PPM1B: variants seen among roughly 807,000 people sequenced by gnomAD.
PPM1B encodes the protein protein phosphatase, Mg2+/Mn2+ dependent 1B.
In PPM1B, 22 loss-of-function variants were observed where a neutral mutation model predicts 43.0. That is an observed-to-expected ratio of 0.51 (90% CI 0.37 to 0.73). PPM1B has a LOEUF of 0.73. Among genes scored for constraint, PPM1B ranks in the 30% least tolerant of loss-of-function variants. The pLI is 0.00. For missense variants in PPM1B, 632 were observed against 584.2 expected (o/e 1.08, Z -0.84); for synonymous variants, 217 against 197.9 (o/e 1.10, Z -0.81).
chr2:44,232,165 A>G (rs1286666464), downstream of PPM1B: 5 of 1,177,934 alleles, frequency 4.2e-6, no homozygotes, highest in Non-Finnish European at 5.9e-6. Flanking sequence ...CACACACAAT[A>G]TGCAATACAC....
chr2:44,239,116 G>A (rs1670691390), downstream of PPM1B, among the ~76,000 whole-genome samples: 1 of 146,204 alleles, frequency 6.8e-6, no homozygotes, highest in Non-Finnish European at 1.5e-5. Flanking sequence ...CAAGTCTGCA[G>A]TGAGCTACAA....
intron 2 of PPM1B, among the ~76,000 whole-genome samples, chr2:44,205,414 G>C (rs1040149834): frequency 1.6e-5 from 2 of 127,516 alleles, no homozygotes; most frequent in South Asian, 5.1e-4. Flanking sequence ...CATGGTCTGA[G>C]AAATTTTTCC....
chr2:44,243,175 G>T (rs1670786281), intron 5 of PPM1B, among the ~76,000 whole-genome samples: 2 of 152,212 alleles, frequency 1.3e-5, no homozygotes, highest in Admixed American at 1.3e-4. Context: ...TATGATTGGA[G>T]CGGTACTAGA....
At chr2:44,245,839 C>G (rs948023251), downstream of PPM1B, among the ~76,000 whole-genome samples, 22 of 152,214 alleles carry the variant, frequency 1.4e-4, no homozygotes, top group Non-Finnish European at 2.9e-5. Flanking sequence ...CTGTCTCTGC[C>G]TATGGAAATG....
intron 5 of PPM1B, among the ~76,000 whole-genome samples, chr2:44,242,431 C>G (rs771751286): frequency 6.6e-6 from 1 of 152,096 alleles, no homozygotes; most frequent in Non-Finnish European, 1.5e-5. Context: ...AATGTGAAAT[C>G]TGGGCAATAG....
At chr2:44,185,838 A>C (rs936079505) in intron 1 of PPM1B, among the ~76,000 whole-genome samples, 1 of 152,208 alleles carries the variant, frequency 6.6e-6, no homozygotes, top group African/African-American at 2.4e-5. Context: ...TCTCTTAAAC[A>C]ATTATTCAAG....
intron 1 of PPM1B, among the ~76,000 whole-genome samples, chr2:44,181,397 T>TA (rs1294801841): frequency 1.3e-5 from 2 of 152,132 alleles, no homozygotes; most frequent in African/African-American, 2.4e-5. Flanking sequence ...GATAAGGGTG[T>TA]AAAAAACCAC....
In PPM1B at chr2:44,241,012, T is replaced by A. The variant is rs573750096; in HGVS notation, n.1547-3216T>A. 1.2e-3 allele frequency among the ~76,000 whole-genome samples: 172 copies of A among 144,404 alleles called. 24 individuals carry two copies. The highest frequency in any genetic ancestry group is 1.9e-3 in the Non-Finnish European group (124 of 64,670). 94.7% of individuals were successfully genotyped at this position (144,404 alleles called of 152,430 possible). A position where few individuals can be genotyped will look rare whatever the true frequency, so the allele number is the denominator to read the frequency against. On this transcript the variant is annotated intron_variant and non_coding_transcript_variant, in intron 5 of 5. Coordinates refer to the PPM1B transcript ENST00000378540. Reference sequence around the variant, plus strand: ...GGGAAGCATCTTTATTTTTATTTTTTTTTTTTTTGAGACGGAGTTTCACTC... The same window carrying A: ...GGGAAGCATCTTTATTTTTATTTTTATTTTTTTTGAGACGGAGTTTCACTC...
chr2:44,187,908 G>A (rs1208924122), intron 1 of PPM1B, among the ~76,000 whole-genome samples: 1 of 151,996 alleles, frequency 6.6e-6, no homozygotes, highest in African/African-American at 2.4e-5. Context: ...CCGCCACCAT[G>A]CCCGGCTAAC....
downstream of PPM1B, chr2:44,234,124 T>A: frequency 6.2e-6 from 6 of 966,292 alleles, no homozygotes; most frequent in Non-Finnish European, 7.4e-6. Context: ...CTTATATGGT[T>A]GGCATATTTC....
At chr2:44,171,829 CAAAAAAAAAAAA>C (rs58214419) in intron 1 of PPM1B, among the ~76,000 whole-genome samples, 2 of 118,772 alleles carry the variant, frequency 1.7e-5, no homozygotes, top group African/African-American at 6.9e-5. Flanking sequence ...GACTCTGTCT[CAAAAAAAAAAAA>C]AAAAAAAAAA....
chr2:44,214,602 G>T (rs936904482), intron 3 of PPM1B, among the ~76,000 whole-genome samples: 1 of 152,128 alleles, frequency 6.6e-6, no homozygotes, highest in Non-Finnish European at 1.5e-5. Context: ...GGGAGTGTCA[G>T]TGGATGGAAA....
intron 3 of PPM1B, among the ~76,000 whole-genome samples, chr2:44,209,896 A>G (rs1248573748): frequency 2.6e-5 from 4 of 152,194 alleles, no homozygotes; most frequent in East Asian, 1.9e-4. Context: ...ATTGATTGAC[A>G]GGGAGAAGAC....
intron 1 of PPM1B, among the ~76,000 whole-genome samples, chr2:44,198,959 C>T (rs1351672889): frequency 6.6e-6 from 1 of 152,058 alleles, no homozygotes; most frequent in Non-Finnish European, 1.5e-5. Context: ...TATATGGCTA[C>T]TAGGAAGAAA....
At position 44,201,469 on chromosome 2, in the gene PPM1B, A is replaced by G. The variant is rs1668934054; in HGVS notation, c.270A>G (p.Lys90=). 3 of 1,614,110 alleles carry G rather than the reference A, an allele frequency of 1.9e-6. No individual in the cohort carries two copies. Among genetic ancestry groups the G allele is most frequent in the Non-Finnish European group, 2.5e-6 (3 of 1,180,046 alleles). ...ACGAAGACTTTAGGGCAGCTGGAAAATCAGGATCTGCTCTTGAGCTTTCAG... is the reference window on the plus strand; with the variant it reads ...ACGAAGACTTTAGGGCAGCTGGAAAGTCAGGATCTGCTCTTGAGCTTTCAG... The part of the protein sequence containing the change: ...TTNEDFRAAG[K]SGSALELSVE... Residue 90 remains lysine (K), a synonymous_variant, in exon 2 of 6, where the codon AAA becomes AAG. Coordinates refer to ENST00000282412, the MANE Select transcript of PPM1B (RefSeq NM_002706.6). The surrounding 1 kb of genome is among the most constrained non-coding windows in gnomAD (Gnocchi z 5.4).
downstream of PPM1B, chr2:44,232,552 T>A (rs1670498582): frequency 2.1e-6 from 3 of 1,405,966 alleles, no homozygotes; most frequent in South Asian, 4.8e-5. Context: ...TACTACAGTA[T>A]TTTTTGCCAA....
intron 3 of PPM1B, among the ~76,000 whole-genome samples, chr2:44,216,473 A>C (rs1177309209): frequency 6.6e-6 from 1 of 152,224 alleles, no homozygotes; most frequent in Admixed American, 6.5e-5. Context: ...TGAAGCTTGC[A>C]GTCTATGACC....
intron 1 of PPM1B, among the ~76,000 whole-genome samples, chr2:44,195,486 C>T (rs1359363390): frequency 6.6e-6 from 1 of 152,094 alleles, no homozygotes; most frequent in Non-Finnish European, 1.5e-5. Context: ...GCTTGGATTC[C>T]AGGCATGAGC....
Position 44,221,596 on chromosome 2 carries a change from A to G in PPM1B, c.1134+3059A>G, listed in dbSNP as rs139240719. The stretch of plus-strand genomic sequence containing the variant: ...TTATAAAAATTAAGTTTTTTTAAAT[A>G]ACAAAAATTATTTTTGTTTAGATAT... On this transcript the variant is annotated intron_variant, in intron 5 of 5. Coordinates refer to ENST00000282412, the MANE Select transcript of PPM1B (RefSeq NM_002706.6). Among the ~76,000 whole-genome samples the G allele has an allele frequency of 4.7e-3, 721 of 152,262 alleles. 4 individuals are homozygous for G. The highest frequency in any genetic ancestry group is 0.016 in the African/African-American group (678 of 41,508).
Sources: allele counts gnomAD v4.1 joint callset (sites outside exome capture counted in the v4.1 genomes callset), GRCh38; gene constraint gnomAD v4.1.1; non-coding constraint Gnocchi (gnomAD v3.1); transcripts MANE v1.5; gene names NCBI Gene and HGNC (gene_info 2026-07-23, HGNC 2026-07-21).